Variants in ACTR3C observed in about 807,000 individuals in gnomAD.
ACTR3C encodes actin related protein 3C.
Under a neutral mutation model 26.3 loss-of-function variants are expected in ACTR3C, and 18 were observed. The observed-to-expected ratio is 0.68, with a 90% CI of 0.47 to 1.01. The LOEUF (loss-of-function observed/expected upper bound fraction) is 1.01, where lower values mean the gene tolerates loss of function less well. ACTR3C is among the 50% of genes least tolerant of loss of function. ACTR3C has a pLI of 0.00. For missense variants in ACTR3C, 184 were observed against 250.7 expected (o/e 0.73, Z 1.80); for synonymous variants, 55 against 94.5 (o/e 0.58, Z 2.42).
Position 150,293,240 on chromosome 7 carries a change from T to C in ACTR3C, c.153+72A>G, listed in dbSNP as rs560234726. 52 of 1,523,448 alleles carry C rather than the reference T, an allele frequency of 3.4e-5. No homozygotes were observed. The East Asian group carries it at 9.7e-4, about 28-fold the overall frequency. The allele number at this position is 1,523,448 out of a possible 1,614,324, so 94.4% of individuals were successfully genotyped here. A position where few individuals can be genotyped will look rare whatever the true frequency, so the allele number is the denominator to read the frequency against. ...TCATTACAGAAGAGGTTTTTTTTTT[T>C]TTTAATTTCCATCCTTACCTCGAAT... is the stretch of plus-strand genomic sequence containing the variant. On this transcript the variant is annotated intron_variant, in intron 3 of 7. Coordinates refer to ENST00000683684, the MANE Select transcript of ACTR3C (RefSeq NM_001164458.2).
the ACTR3C span, among the ~76,000 whole-genome samples, chr7:149,949,393 G>GGGAAGGAAGGAA: frequency 3.0e-5 from 4 of 133,822 alleles, 1 homozygote; most frequent in African/African-American, 1.0e-4. Context: ...GAAGGAAGGA[G>GGGAAGGAAGGAA]GGAAGGAAGG....
At chr7:150,142,321 G>C in the ACTR3C span, among the ~76,000 whole-genome samples, 1 of 152,130 alleles carries the variant, frequency 6.6e-6, no homozygotes, top group African/African-American at 2.4e-5. Context: ...ACTCCTGCAT[G>C]GGGTCCTCCC....
chr7:149,888,542 G>A, the ACTR3C span, among the ~76,000 whole-genome samples: 478 of 152,256 alleles, frequency 3.1e-3, no homozygotes, highest in Middle Eastern at 0.058. Flanking sequence ...TCATTGGCTT[G>A]CTTTTCTATG....
At chr7:150,234,256 T>C in the ACTR3C span, among the ~76,000 whole-genome samples, 2 of 152,166 alleles carry the variant, frequency 1.3e-5, no homozygotes, top group Non-Finnish European at 2.9e-5. Flanking sequence ...AAGCATTTCT[T>C]AGCTTTGCTT....
the ACTR3C span, among the ~76,000 whole-genome samples, chr7:150,211,256 G>C: frequency 1.3e-5 from 2 of 150,050 alleles, no homozygotes; most frequent in Non-Finnish European, 2.9e-5. Context: ...CTTAATAATA[G>C]CAAACACTCT....
At chr7:150,155,710 GA>G in the ACTR3C span, among the ~76,000 whole-genome samples, 1 of 140,332 alleles carries the variant, frequency 7.1e-6, no homozygotes, top group East Asian at 2.3e-4. Context: ...TCGACTGGCA[GA>G]GGGTCCCTGA....
the ACTR3C span, among the ~76,000 whole-genome samples, chr7:150,158,931 G>A: frequency 2.1e-5 from 3 of 143,612 alleles, no homozygotes; most frequent in Non-Finnish European, 4.5e-5. Context: ...ACACACATGT[G>A]CGCAGACACA....
chr7:150,148,754 G>A, the ACTR3C span, among the ~76,000 whole-genome samples: 7 of 152,204 alleles, frequency 4.6e-5, no homozygotes, highest in Middle Eastern at 0.02. Context: ...CTGGGTAGTA[G>A]TCTATAATAT....
the ACTR3C span, among the ~76,000 whole-genome samples, chr7:150,042,565 T>G: frequency 2.8e-4 from 41 of 145,892 alleles, no homozygotes; most frequent in African/African-American, 1.0e-3. Context: ...TGGCTCTGAG[T>G]CCCCGCCTCG....
At chr7:150,034,763 G>A in the ACTR3C span, among the ~76,000 whole-genome samples, 9 of 151,196 alleles carry the variant, frequency 6.0e-5, no homozygotes, top group African/African-American at 2.2e-4. Flanking sequence ...TCAACGAAGG[G>A]GGCCCTAAGC....
At chr7:150,003,572 T>G in the ACTR3C span, among the ~76,000 whole-genome samples, 1 of 152,114 alleles carries the variant, frequency 6.6e-6, no homozygotes, top group Non-Finnish European at 1.5e-5. Context: ...GTGTGTTGTG[T>G]GTGGTACATG....
At chr7:149,893,448 ACT>A in the ACTR3C span, among the ~76,000 whole-genome samples, 8 of 152,262 alleles carry the variant, frequency 5.3e-5, no homozygotes, top group Non-Finnish European at 8.8e-5. Flanking sequence ...TTTATTGAAC[ACT>A]CTGCTAAGTG....
chr7:150,116,786 C>T, the ACTR3C span, among the ~76,000 whole-genome samples: 1 of 152,164 alleles, frequency 6.6e-6, no homozygotes, highest in East Asian at 1.9e-4. Flanking sequence ...AGGAGGATTC[C>T]TGGCCAAAAT....
chr7:150,300,107 CT>C (rs1795307983), intron 1 of ACTR3C, among the ~76,000 whole-genome samples: 1 of 152,096 alleles, frequency 6.6e-6, no homozygotes, highest in Non-Finnish European at 1.5e-5. Flanking sequence ...AATGCCAACA[CT>C]TTAGGAGGCT....
At chr7:150,316,476 T>A (rs1419262992) in intron 1 of ACTR3C, among the ~76,000 whole-genome samples, 1 of 142,784 alleles carries the variant, frequency 7.0e-6, no homozygotes, top group Non-Finnish European at 1.5e-5. Context: ...AACTTTAGAA[T>A]CTGGTTATTT....
At chr7:150,239,507 G>T (rs1041229210), downstream of ACTR3C, among the ~76,000 whole-genome samples, 1,025 of 102,872 alleles carry the variant, frequency 1.0e-2, 38 homozygotes, top group African/African-American at 0.04. Context: ...AAAGTTGCTC[G>T]CTCTCTCTCT....
At chr7:149,997,561 A>T in the ACTR3C span, among the ~76,000 whole-genome samples, 1 of 152,046 alleles carries the variant, frequency 6.6e-6, no homozygotes, top group East Asian at 1.9e-4. Flanking sequence ...GATTATTAGG[A>T]AAGTCTTCAA....
chr7:150,315,851 G>A (rs964622295), intron 1 of ACTR3C, among the ~76,000 whole-genome samples: 2 of 150,024 alleles, frequency 1.3e-5, no homozygotes, highest in Non-Finnish European at 3.0e-5. Flanking sequence ...TTCACTTAAC[G>A]ATGTATCCTG....
At chr7:150,099,522 T>C in the ACTR3C span, among the ~76,000 whole-genome samples, 7 of 151,566 alleles carry the variant, frequency 4.6e-5, no homozygotes, top group Admixed American at 1.3e-4. Context: ...TGAGCTTCCA[T>C]GATGATCTAT....
Sources: allele counts gnomAD v4.1 joint callset (sites outside exome capture counted in the v4.1 genomes callset), GRCh38; gene constraint gnomAD v4.1.1; transcripts MANE v1.5; gene names NCBI Gene and HGNC (gene_info 2026-07-23, HGNC 2026-07-21).